EXD1: variants seen among roughly 807,000 people sequenced by gnomAD.
The protein encoded by EXD1 is exonuclease 3'-5' domain containing 1, also known as piRNA biogenesis protein EXD1.
A neutral mutation model predicts 49.1 loss-of-function variants in EXD1; 63 were observed. That is an observed-to-expected ratio of 1.28 (90% CI 1.05 to 1.58). The LOEUF (loss-of-function observed/expected upper bound fraction) is 1.58. Ranked by LOEUF, EXD1 falls within the 40% of genes most tolerant of loss-of-function variation. The pLI is 0.00. For synonymous variants in EXD1, 234 were observed against 239.2 expected (o/e 0.98, Z 0.20); for missense variants, 748 against 666.0 (o/e 1.12, Z -1.36).
rs759731725 is a variant in EXD1 at position 41,195,921 on chromosome 15, T to G, written c.639+12A>C. 3 of 1,610,294 alleles carry G rather than the reference T, an allele frequency of 1.9e-6. No homozygotes were observed. On this transcript the variant is annotated intron_variant, in intron 8 of 11. Transcript: ENST00000458580. ...TAATCTTAATAGCACAGGAATCAGT[T>G]TATATACTTACCTTCAAAATTCTCT...
rs1467397462 is a variant in EXD1, at chr15:41,190,090, G to C, written c.903C>G (p.Pro301=). 6.2e-7 allele frequency: 1 copy of C among 1,614,028 alleles called. No homozygotes were observed. The highest frequency in any genetic ancestry group is 2.2e-5 in the East Asian group (1 of 44,894). ...CCAGGGCCAAAATTTTCAGTAAAGAGGGTGAAACAGGTCGGATGAACCATA... is the reference window on the plus strand; with the variant it reads ...CCAGGGCCAAAATTTTCAGTAAAGACGGTGAAACAGGTCGGATGAACCATA... The part of the protein sequence containing the change: ...PEVWFIRPVS[P]SLLKILALEA... Residue 301 remains proline (P), a synonymous_variant, in exon 11 of 12, where the codon CCC becomes CCG. Transcript: ENST00000458580.
In EXD1 at chr15:41,230,614, A is replaced by AATGAAGGAAGAAGTCTCGGGAC; in HGVS notation, c.-211_-190dup. 6.5e-7 allele frequency: 1 copy of AATGAAGGAAGAAGTCTCGGGAC among 1,538,966 alleles called. No individual in the cohort carries two copies. Among genetic ancestry groups the AATGAAGGAAGAAGTCTCGGGAC allele is most frequent in the South Asian group, 1.1e-5 (1 of 88,054 alleles). Reference sequence around the variant, plus strand: ...CTAGAACTAAAAGAAGAGGGGCTGCAATGAAGGAAGAAGTCTCGGGACGCT... The same window carrying AATGAAGGAAGAAGTCTCGGGAC: ...CTAGAACTAAAAGAAGAGGGGCTGCAATGAAGGAAGAAGTCTCGGGACATGAAGGAAGAAGTCTCGGGACGCT... On this transcript the variant is annotated 5_prime_UTR_variant, in exon 1 of 12. In the 5' UTR this introduces an upstream ATG that the reference lacks. Coordinates refer to ENST00000458580, the MANE Select transcript of EXD1 (RefSeq NM_001286441.2).
chr15:41,230,611 T>A lies in EXD1; in HGVS notation c.-186A>T. On this transcript the variant is annotated 5_prime_UTR_variant, in exon 1 of 12. Coordinates refer to ENST00000458580, the MANE Select transcript of EXD1 (RefSeq NM_001286441.2). ...AGTCTAGAACTAAAAGAAGAGGGGC[T>A]GCAATGAAGGAAGAAGTCTCGGGAC... 1 of 1,543,246 alleles carries A rather than the reference T, an allele frequency of 6.5e-7. No homozygotes were observed. The highest frequency in any genetic ancestry group is 8.9e-7 in the Non-Finnish European group (1 of 1,122,720).
intron 6 of EXD1, among the ~76,000 whole-genome samples, chr15:41,211,004 T>C (rs1349230340): frequency 6.6e-6 from 1 of 152,174 alleles, no homozygotes; most frequent in Non-Finnish European, 1.5e-5. Context: ...AGCTGCATTC[T>C]CTACTGATGA....
chr15:41,213,173 T>C (rs2046948052), intron 6 of EXD1, among the ~76,000 whole-genome samples: 1 of 151,892 alleles, frequency 6.6e-6, no homozygotes, highest in Admixed American at 6.6e-5. Context: ...AAAAACTACA[T>C]ATTTTATTAT....
intron 7 of EXD1, among the ~76,000 whole-genome samples, chr15:41,200,012 T>C (rs1029168758): frequency 6.6e-6 from 1 of 151,238 alleles, no homozygotes; most frequent in Non-Finnish European, 1.5e-5. Context: ...CAAGTGATTC[T>C]CCTGCCTCAG....
chr15:41,215,025 G>A (rs181183485), intron 6 of EXD1, among the ~76,000 whole-genome samples: 54 of 152,144 alleles, frequency 3.5e-4, no homozygotes, highest in African/African-American at 1.2e-3. Context: ...GATTACAGGC[G>A]TGAGCCACTG....
rs781116663 is a variant in EXD1, at chr15:41,183,913, A to G, written c.*18T>C. On this transcript the variant is annotated 3_prime_UTR_variant, in exon 12 of 12. Coordinates refer to ENST00000458580, the MANE Select transcript of EXD1 (RefSeq NM_001286441.2). The stretch of plus-strand genomic sequence containing the variant: ...GAAATAAGCCATCTGTATGGCCTTA[A>G]GAACAAACTGCCCATCTCTAGGGCA... 1.3e-6 allele frequency: 2 copies of G among 1,556,730 alleles called. No individual in the cohort carries two copies. Among genetic ancestry groups the G allele is most frequent in the Non-Finnish European group, 1.7e-6 (2 of 1,153,904 alleles).
rs148691404 is a variant in EXD1, at chr15:41,211,275, C to T, written c.448-1688G>A. 4.0e-5 allele frequency among the ~76,000 whole-genome samples: 6 copies of T among 151,890 alleles called. No individual in the cohort carries two copies. The East Asian group carries it at 1.2e-3, about 29-fold the overall frequency. ...TACAGACCTGTGCCACCATGCCCAG[C>T]TAATTTTTTGTATTTTTTGTAGGGG... is the stretch of plus-strand genomic sequence containing the variant. On this transcript the variant is annotated intron_variant, in intron 6 of 11. Coordinates refer to ENST00000458580, the MANE Select transcript of EXD1 (RefSeq NM_001286441.2).
chr15:41,191,349 G>T, intron 10 of EXD1, 93 bp downstream of exon 10: 2 of 1,166,622 alleles, frequency 1.7e-6, no homozygotes, highest in Non-Finnish European at 2.4e-6. Context: ...TGATAACATG[G>T]CAGCTGTCAT....
chr15:41,189,996 C>G lies in EXD1; in HGVS notation c.997G>C (p.Val333Leu), dbSNP rs1372676201. Residue 333 changes from valine to leucine, a missense_variant, in exon 11 of 12, where the codon GTG (valine) becomes CTG (leucine). Physicochemically the swap from Val to Leu is conservative, Grantham distance 32. Transcript: ENST00000458580. ...CGATACGTGTTTAGGTAACCATCCA[C>G]CAGGGTGGTTAGGTCAGACATCATC... ...DEMMSDLTTLVDGYLNTYREG... is the reference protein window; with the variant it reads ...DEMMSDLTTLLDGYLNTYREG... 1.9e-6 allele frequency: 3 copies of G among 1,613,984 alleles called. No homozygotes were observed. The highest frequency in any genetic ancestry group is 2.5e-6 in the Non-Finnish European group (3 of 1,180,012).
Position 41,230,473 on chromosome 15 carries a change from G to C in EXD1, c.-54+6C>G. The C allele has an allele frequency of 1.2e-6, 2 of 1,612,916 alleles. No homozygotes were observed. The highest frequency in any genetic ancestry group is 1.7e-6 in the Non-Finnish European group (2 of 1,178,930). ...CAAAATAAGGAACTTCAAATAAATG[G>C]CGGACCATAAGCTAGGAATTCACTG... On this transcript the variant is annotated splice_donor_region_variant and intron_variant, in intron 1 of 11. Coordinates refer to ENST00000458580, the MANE Select transcript of EXD1 (RefSeq NM_001286441.2).
chr15:41,220,832 C>T (rs1462744148), intron 2 of EXD1, among the ~76,000 whole-genome samples: 4 of 152,154 alleles, frequency 2.6e-5, no homozygotes, highest in Non-Finnish European at 5.9e-5. Flanking sequence ...CAAAGATCAC[C>T]AACAACTTAT....
At chr15:41,191,414 T>A in intron 10 of EXD1, 28 bp downstream of exon 10, 1 of 1,535,358 alleles carries the variant, frequency 6.5e-7, no homozygotes, top group Admixed American at 1.9e-5. Flanking sequence ...AAAAAAATAA[T>A]GTCATACAGG....
chr15:41,204,545 C>T (rs1166424560), intron 7 of EXD1, among the ~76,000 whole-genome samples: 2 of 151,748 alleles, frequency 1.3e-5, no homozygotes, highest in Non-Finnish European at 2.9e-5. Flanking sequence ...AGCAAGATTC[C>T]ATCTCAAAAA....
At chr15:41,194,648 T>G (rs1420223064) in intron 9 of EXD1, among the ~76,000 whole-genome samples, 1 of 152,308 alleles carries the variant, frequency 6.6e-6, no homozygotes, top group Non-Finnish European at 1.5e-5. Context: ...AATAAGAAAC[T>G]AATACACTGT....
In EXD1 at chr15:41,182,745, T is replaced by C. The variant is rs1429655496; in HGVS notation, c.*1186A>G. On this transcript the variant is annotated 3_prime_UTR_variant, in exon 12 of 12. Transcript: ENST00000458580. Reference sequence around the variant, plus strand: ...AGAGATTGTTTTTTTAAGTAGAGTATGACAAAACAGGTTTATTGGTTATTT... The same window carrying C: ...AGAGATTGTTTTTTTAAGTAGAGTACGACAAAACAGGTTTATTGGTTATTT... The C allele has an allele frequency of 6.6e-6, 1 of 152,158 alleles. No homozygotes were observed. The allele number at this position is 152,158 out of a possible 1,614,324, so 9.4% of individuals were successfully genotyped here.
intron 10 of EXD1, 98 bp from the exon 11 acceptor site, chr15:41,190,226 G>GAGTGCTGGGATTA: frequency 3.8e-6 from 5 of 1,308,190 alleles, no homozygotes; most frequent in Non-Finnish European, 5.4e-6. Context: ...TGTAATCCCA[G>GAGTGCTGGGATTA]CACTCTGGGA....
chr15:41,188,413 G>A (rs923131282), intron 11 of EXD1, among the ~76,000 whole-genome samples: 1 of 142,308 alleles, frequency 7.0e-6, no homozygotes, highest in African/African-American at 2.6e-5. Flanking sequence ...TTCTTTTTCA[G>A]ACAGAGTTTC....
Sources: allele counts gnomAD v4.1 joint callset (sites outside exome capture counted in the v4.1 genomes callset), GRCh38; gene constraint gnomAD v4.1.1; transcripts MANE v1.5; gene names NCBI Gene and HGNC (gene_info 2026-07-23, HGNC 2026-07-21).